The following FBN3 variants were observed in gnomAD, a reference collection of about 807,000 sequenced individuals.
FBN3 encodes the protein fibrillin-3.
In FBN3, 234 loss-of-function variants were observed where a neutral mutation model predicts 330.1. That is an observed-to-expected ratio of 0.71 (90% CI 0.64 to 0.79). The LOEUF (loss-of-function observed/expected upper bound fraction) is 0.79, where lower values mean the gene tolerates loss of function less well. Ranked by LOEUF, FBN3 falls within the 30% of genes least tolerant of loss-of-function variation. The pLI is 0.00. For synonymous variants in FBN3, 1,458 were observed against 1,517.3 expected, an observed-to-expected ratio of 0.96 and a Z score of 0.91; for missense variants, 3,606 against 3,886.9, an observed-to-expected ratio of 0.93 and a Z score of 1.92.
At chr19:8,133,589 T>C (rs1328755810) in intron 13 of FBN3, among the ~76,000 whole-genome samples, 1 of 152,092 alleles carries the variant, frequency 6.6e-6, no homozygotes, top group African/African-American at 2.4e-5. Flanking sequence ...TAGCTGGGAT[T>C]ACAGGCATGT....
At chr19:8,128,381 T>C (rs535978162) in intron 18 of FBN3, among the ~76,000 whole-genome samples, 1 of 152,174 alleles carries the variant, frequency 6.6e-6, no homozygotes, top group East Asian at 1.9e-4. Flanking sequence ...CTGGCGAACA[T>C]GGTGAAACCC....
chr19:8,128,113 C>T (rs1288694991), intron 18 of FBN3, among the ~76,000 whole-genome samples: 2 of 152,352 alleles, frequency 1.3e-5, no homozygotes, highest in Middle Eastern at 3.4e-3. Flanking sequence ...TGCCTGCTCT[C>T]GGCATGCCGC....
At position 8,085,506 on chromosome 19, in the gene FBN3, C is replaced by T. The variant is rs760194070; in HGVS notation, c.6944G>A (p.Ser2315Asn). 2.5e-6 allele frequency: 4 copies of T among 1,594,870 alleles called. No individual in the cohort carries two copies. The East Asian group carries it at 9.1e-5, about 36-fold the overall frequency. Residue 2315 changes from serine to asparagine, a missense_variant, in exon 56 of 64, where the codon AGC (serine) becomes AAC (asparagine). Coordinates refer to ENST00000600128, the MANE Select transcript of FBN3 (RefSeq NM_032447.5). The part of the protein sequence containing the change: ...LQTMCRSLSS[S>N]SEAVTRAECC... ...CTCGGCCCTGGTGACAGCCTCACTG[C>T]TGCTGGACAGAGACCGGCACATGGT...
rs751149718 is a variant in FBN3, at chr19:8,121,351, C to T, written c.3118G>A (p.Gly1040Ser). 12 of 1,613,060 alleles carry T rather than the reference C, an allele frequency of 7.4e-6. No individual in the cohort carries two copies. The highest frequency in any genetic ancestry group is 5.3e-5 in the African/African-American group (4 of 74,866). Residue 1040 changes from glycine to serine, a missense_variant, in exon 25 of 64, where the codon GGC (glycine) becomes AGC (serine). Transcript: ENST00000600128. The surrounding 1 kb of genome is among the most constrained non-coding windows in gnomAD (Gnocchi z 4.5). Reference protein sequence around the residue: ...DECRISPDLCGQGTCVNTPGS... With the variant: ...DECRISPDLCSQGTCVNTPGS... ...GGCGTGTTGACACAGGTGCCCTGGCCGCAGAGGTCAGGAGAGATGCGACAC... is the reference window on the plus strand; with the variant it reads ...GGCGTGTTGACACAGGTGCCCTGGCTGCAGAGGTCAGGAGAGATGCGACAC...
chr19:8,083,137 A>T, intron 57 of FBN3, 110 bp downstream of exon 57: 2 of 1,348,392 alleles, frequency 1.5e-6, no homozygotes, highest in Non-Finnish European at 2.1e-6. Flanking sequence ...CACTTTGTAA[A>T]TGAAAGCCTA....
At chr19:8,118,232 T>C (rs776462579) in intron 26 of FBN3, among the ~76,000 whole-genome samples, 1 of 151,986 alleles carries the variant, frequency 6.6e-6, no homozygotes, top group Non-Finnish European at 1.5e-5. Flanking sequence ...TCTATAAACA[T>C]GCATTTGCAT....
chr19:8,085,728 C>T (rs1171292572), intron 55 of FBN3, among the ~76,000 whole-genome samples, 159 bp from the exon 56 acceptor site: 3 of 152,094 alleles, frequency 2.0e-5, no homozygotes, highest in South Asian at 2.1e-4. Context: ...AGTGGGTCAC[C>T]GGCTGGGGTT....
Position 8,133,069 on chromosome 19 carries a change from G to T in FBN3, c.1629C>A (p.Asn543Lys), listed in dbSNP as rs779754358. 3 of 1,585,622 alleles carry T rather than the reference G, an allele frequency of 1.9e-6. No homozygotes were observed. In the Admixed American group the frequency reaches 5.4e-5, roughly 29 times the overall value. ...TGCCATCCTCGTTGAGACACACGCC[G>T]TTGACGCACATGGTGCTGGTGGCAC... ...NECATSTMCV[N>K]GVCLNEDGSF... The change falls in exon 14 of 64, where the codon AAC (asparagine) becomes AAA (lysine). Residue 543 changes from asparagine to lysine, a missense_variant. By Grantham distance (94) the Asn-to-Lys change is moderately conservative. Coordinates refer to ENST00000600128, the MANE Select transcript of FBN3 (RefSeq NM_032447.5).
rs1010236682 is a variant in FBN3, at chr19:8,123,293, G to A, written c.3082+171C>T. On this transcript the variant is annotated intron_variant, in intron 24 of 63. Coordinates refer to ENST00000600128, the MANE Select transcript of FBN3 (RefSeq NM_032447.5). ...CGCTTGAACCTGGGAGGCGGAGGTT[G>A]CAGTGAGCCGAGATCGTGCCATTGC... 1.1e-3 allele frequency among the ~76,000 whole-genome samples: 170 copies of A among 152,144 alleles called. 1 individual carries two copies. The highest frequency in any genetic ancestry group is 2.8e-3 in the Admixed American group (43 of 15,274).
chr19:8,086,384 A>T (rs1156441963), intron 54 of FBN3, 59 bp from the exon 55 acceptor site: 5 of 1,461,846 alleles, frequency 3.4e-6, no homozygotes, highest in Non-Finnish European at 3.7e-6. Flanking sequence ...AGCCTCTCCC[A>T]CAGCCCCAAA....
At position 8,085,543 on chromosome 19, in the gene FBN3, C is replaced by A; in HGVS notation, c.6907G>T (p.Glu2303Ter). ...HDIRQGPCFA[E>*]VLQTMCRSLS... Reference sequence around the variant, plus strand: ...GACCGGCACATGGTCTGCAGCACCTCGGCAAAGCAGGGCCCCTGCCGGATG... The same window carrying A: ...GACCGGCACATGGTCTGCAGCACCTAGGCAAAGCAGGGCCCCTGCCGGATG... The change falls in exon 56 of 64, where the codon GAG becomes TAG. Residue 2303 changes from glutamate to a stop codon, truncating the protein, a stop_gained. Transcript: ENST00000600128. LOFTEE classifies it high-confidence loss of function. 6.3e-7 allele frequency: 1 copy of A among 1,583,556 alleles called. No homozygotes were observed. Among genetic ancestry groups the A allele is most frequent in the Non-Finnish European group, 8.6e-7 (1 of 1,165,608 alleles).
At chr19:8,093,467 C>CA (rs954578874) in intron 47 of FBN3, among the ~76,000 whole-genome samples, 163 of 151,660 alleles carry the variant, frequency 1.1e-3, no homozygotes, top group Non-Finnish European at 1.9e-3. Context: ...ACTAAAAATA[C>CA]AAAAAAATAG....
In FBN3 at chr19:8,070,383, T is replaced by G. The variant is rs77878581; in HGVS notation, c.8088+1665A>C. Among the ~76,000 whole-genome samples, 541 of 152,220 alleles carry G rather than the reference T, an allele frequency of 3.6e-3. 11 individuals carry two copies. The East Asian group carries it at 0.073, about 21-fold the overall frequency. Reference sequence around the variant, plus strand: ...TATCAGCCTCACGAGGGCAGGTGTTTTTGTTGTTGTTGTTGTTCACTGTTG... The same window carrying G: ...TATCAGCCTCACGAGGGCAGGTGTTGTTGTTGTTGTTGTTGTTCACTGTTG... On this transcript the variant is annotated intron_variant, in intron 63 of 63. Transcript: ENST00000600128.
chr19:8,117,352 G>A, intron 27 of FBN3, 61 bp from the exon 28 acceptor site: 2 of 1,535,294 alleles, frequency 1.3e-6, no homozygotes, highest in East Asian at 2.5e-5. Flanking sequence ...ATGGGGAGGG[G>A]GCTGGTTTGG....
At chr19:8,094,076 CT>C (rs1326163557) in intron 47 of FBN3, among the ~76,000 whole-genome samples, 1 of 152,146 alleles carries the variant, frequency 6.6e-6, no homozygotes, top group East Asian at 1.9e-4. Flanking sequence ...TTAGGCCAGA[CT>C]TGTTAGTCCA....
In FBN3 at chr19:8,094,488, T is replaced by G; in HGVS notation, c.5863A>C (p.Ile1955Leu). 1 of 1,613,820 alleles carries G rather than the reference T, an allele frequency of 6.2e-7. No individual in the cohort carries two copies. Among genetic ancestry groups the G allele is most frequent in the Admixed American group, 1.7e-5 (1 of 60,008 alleles). The change falls in exon 47 of 64, where the codon ATC becomes CTC. Residue 1955 changes from isoleucine to leucine, a missense_variant. Ile to Leu is a conservative substitution (Grantham distance 5). Transcript: ENST00000600128. ...CQNLEGSFRC[I>L]CPPGFQVQSD... is the part of the protein sequence containing the mutation. ...TGCACCTGGAAGCCAGGGGGACAGA[T>G]GCAGCGGAAGGAGCCCTCGAGGTTC... is the stretch of plus-strand genomic sequence containing the variant.
In FBN3 at chr19:8,103,581, A is replaced by G. The variant is rs1292795546; in HGVS notation, c.4920T>C (p.Asn1640=). ...CVCPAEYLQV[N]GGNNCMDMRK... is the part of the protein sequence containing the mutation. ...TCTTACCCATGCAGTTGTTGCCACC[A>G]TTGACTTGGAGGTACTCTGCAGGGC... The change falls in exon 39 of 64, where the codon AAT becomes AAC. Residue 1640 remains asparagine (N), a synonymous_variant. Coordinates refer to ENST00000600128, the MANE Select transcript of FBN3 (RefSeq NM_032447.5). 4 of 1,613,472 alleles carry G rather than the reference A, an allele frequency of 2.5e-6. No homozygotes were observed. In the Admixed American group the frequency reaches 6.7e-5, roughly 27 times the overall value.
At chr19:8,116,919 G>T in intron 28 of FBN3, 120 bp from the exon 29 acceptor site, 1 of 1,302,344 alleles carries the variant, frequency 7.7e-7, no homozygotes, top group Non-Finnish European at 1.1e-6. Flanking sequence ...GGTCACTCGA[G>T]TAGTCTGGGG....
intron 46 of FBN3, among the ~76,000 whole-genome samples, chr19:8,094,873 C>A (rs2082177331): frequency 6.6e-6 from 1 of 152,336 alleles, no homozygotes; most frequent in East Asian, 1.9e-4. Context: ...TTCTACTATT[C>A]TTTGCTTCTG....
Sources: allele counts gnomAD v4.1 joint callset (sites outside exome capture counted in the v4.1 genomes callset), GRCh38; gene constraint gnomAD v4.1.1; non-coding constraint Gnocchi (gnomAD v3.1); transcripts MANE v1.5; gene names NCBI Gene and HGNC (gene_info 2026-07-23, HGNC 2026-07-21).